Variants in UMODL1 observed in about 807,000 individuals in gnomAD.
The protein encoded by UMODL1 is uromodulin-like 1.
A neutral mutation model predicts 136.3 loss-of-function variants in UMODL1; 128 were observed. The observed-to-expected ratio is 0.94, with a 90% CI of 0.81 to 1.09. UMODL1 has a LOEUF of 1.09. UMODL1 is among the 50% of genes least tolerant of loss of function. The pLI is 0.00. For missense variants in UMODL1, 1,766 were observed against 1,725.6 expected, an observed-to-expected ratio of 1.02 and a Z score of -0.41; for synonymous variants, 721 against 720.0, an observed-to-expected ratio of 1.00 and a Z score of -0.02.
At chr21:42,098,853 C>G (rs113802209) in intron 6 of UMODL1, 73 bp from the exon 7 acceptor site, 58,967 of 1,574,530 alleles carry the variant, frequency 0.037, 1,269 homozygotes, top group Middle Eastern at 0.07. Flanking sequence ...AGATGAGGCT[C>G]TGTTACCTGC....
intron 12 of UMODL1, among the ~76,000 whole-genome samples, chr21:42,113,342 A>G (rs1214171218): frequency 1.3e-5 from 2 of 152,026 alleles, no homozygotes; most frequent in East Asian, 1.9e-4. Flanking sequence ...GAAACAAAAC[A>G]AAATCAGAAG....
rs1055672119 is a variant in UMODL1, at chr21:42,122,333, C to G, written c.2828-498C>G. The stretch of plus-strand genomic sequence containing the variant: ...ACCTGCTCTGGGGGCAAGAAGGGAG[C>G]TGGAGTGGGAAGTTTGGGCACAAGG... On this transcript the variant is annotated intron_variant, in intron 16 of 22. Transcript: ENST00000408910. The surrounding 1 kb of genome is among the most constrained non-coding windows in gnomAD (Gnocchi z 4.3). Among the ~76,000 whole-genome samples the G allele has an allele frequency of 2.6e-5, 4 of 152,074 alleles. No homozygotes were observed. The highest frequency in any genetic ancestry group is 7.2e-5 in the African/African-American group (3 of 41,406).
upstream of UMODL1, chr21:42,071,223 C>T (rs2066227862): frequency 7.7e-7 from 1 of 1,304,494 alleles, no homozygotes; most frequent in Non-Finnish European, 1.0e-6. Flanking sequence ...TTCTCCAGGT[C>T]CAGGCAGCTC....
At position 42,127,099 on chromosome 21, in the gene UMODL1, T is replaced by C. The variant is rs200563852; in HGVS notation, c.3387T>C (p.Tyr1129=). The change falls in exon 19 of 23, where the codon TAT becomes TAC. Residue 1129 remains tyrosine (Y), a synonymous_variant. Coordinates refer to ENST00000408910, the MANE Select transcript of UMODL1 (RefSeq NM_001004416.3). ...GAGACTCTCCCATACCTCAGAATTA[T>C]AGCGTGTCTGCCAGTGACGATGTCA... The part of the protein sequence containing the change: ...FIGDSPIPQN[Y]SVSASDDVRI... 1.4e-5 allele frequency: 23 copies of C among 1,614,210 alleles called. No homozygotes were observed. The highest frequency in any genetic ancestry group is 1.7e-5 in the Admixed American group (1 of 60,016).
chr21:42,095,532 G>A lies in UMODL1; in HGVS notation c.932-3394G>A, dbSNP rs532394678. ...ATAAGGACACTTGTGATTGCATTTAGGGTGTACCTGGGAAATCCAGGATTA... is the reference window on the plus strand; with the variant it reads ...ATAAGGACACTTGTGATTGCATTTAAGGTGTACCTGGGAAATCCAGGATTA... On this transcript the variant is annotated intron_variant, in intron 6 of 22. Coordinates refer to ENST00000408910, the MANE Select transcript of UMODL1 (RefSeq NM_001004416.3). Among the ~76,000 whole-genome samples the A allele has an allele frequency of 7.9e-5, 12 of 152,228 alleles. No homozygotes were observed. The South Asian group carries it at 2.5e-3, about 32-fold the overall frequency.
chr21:42,129,257 G>A (rs1420430544), intron 20 of UMODL1, among the ~76,000 whole-genome samples: 3 of 152,154 alleles, frequency 2.0e-5, no homozygotes, highest in Non-Finnish European at 4.4e-5. Flanking sequence ...ACATGTTGCA[G>A]CCCATCTCAG....
At position 42,123,158 on chromosome 21, in the gene UMODL1, C is replaced by A; in HGVS notation, c.3147+8C>A. ...GGGACCCTCATGCAGAGCGTAAGAC[C>A]AGGAGAGCCAGGCTCAGGATGTACA... On this transcript the variant is annotated splice_region_variant and intron_variant, in intron 17 of 22. Coordinates refer to ENST00000408910, the MANE Select transcript of UMODL1 (RefSeq NM_001004416.3). The surrounding 1 kb of genome is among the most constrained non-coding windows in gnomAD (Gnocchi z 4.4). 6.2e-7 allele frequency: 1 copy of A among 1,603,208 alleles called. No individual in the cohort carries two copies. The highest frequency in any genetic ancestry group is 8.5e-7 in the Non-Finnish European group (1 of 1,172,788).
At chr21:42,130,221 C>CTTGTGTGT (rs1555933370) in intron 21 of UMODL1, among the ~76,000 whole-genome samples, 8 of 150,462 alleles carry the variant, frequency 5.3e-5, no homozygotes, top group African/African-American at 1.2e-4. Context: ...GCCATGTCAA[C>CTTGTGTGT]GTGTGTGTGT....
At chr21:42,094,705 T>C (rs1278908053) in intron 6 of UMODL1, among the ~76,000 whole-genome samples, 1 of 152,154 alleles carries the variant, frequency 6.6e-6, no homozygotes, top group Non-Finnish European at 1.5e-5. Flanking sequence ...AGTTTTAAAA[T>C]ACCCCAAGGT....
intron 21 of UMODL1, among the ~76,000 whole-genome samples, chr21:42,130,614 T>G (rs78456476): frequency 6.6e-6 from 1 of 151,604 alleles, no homozygotes; most frequent in Non-Finnish European, 1.5e-5. Context: ...AGTGTGGCCA[T>G]GTAAGTTCTG....
chr21:42,073,824 C>A (rs536885995), intron 1 of UMODL1, among the ~76,000 whole-genome samples: 4 of 104,136 alleles, frequency 3.8e-5, no homozygotes, highest in African/African-American at 1.5e-4. Flanking sequence ...AGAAATCAAT[C>A]CAGCTACTCA....
rs368857995 is a variant in UMODL1 at position 42,126,470 on chromosome 21, C to T, written c.3273C>T (p.Ser1091=). The T allele has an allele frequency of 9.7e-5, 156 of 1,614,158 alleles. No homozygotes were observed. Among genetic ancestry groups the T allele is most frequent in the Non-Finnish European group, 1.3e-4 (149 of 1,180,050 alleles). The change falls in exon 18 of 23, where the codon TCC becomes TCT. Residue 1091 remains serine, a synonymous_variant. Transcript: ENST00000408910. The stretch of plus-strand genomic sequence containing the variant: ...TCCAGAATGACCTGCTGACATCCTC[C>T]GGCTTCACCCTGGAGTGGGGGTAAG... ...CAFQNDLLTS[S]GFTLEWGVYT...
chr21:42,089,225 G>T (rs1037509053), intron 5 of UMODL1, among the ~76,000 whole-genome samples: 2 of 152,184 alleles, frequency 1.3e-5, no homozygotes, highest in Non-Finnish European at 2.9e-5. Context: ...CTAGTCTGCT[G>T]CTCCCAGGGC....
Position 42,135,163 on chromosome 21 carries a change from G to C in UMODL1, c.3776-2276G>C, listed in dbSNP as rs116385253. Among the ~76,000 whole-genome samples the C allele has an allele frequency of 5.0e-3, 763 of 152,336 alleles. 9 individuals are homozygous for C. Among genetic ancestry groups the C allele is most frequent in the African/African-American group, 0.017 (694 of 41,570 alleles). On this transcript the variant is annotated intron_variant, in intron 21 of 22. Transcript: ENST00000408910. ...TCGTGGACTGACATGTGGTCCAACG[G>C]TCACGATGCATACACAGCTCATGCC...
intron 7 of UMODL1, 32 bp from the exon 8 acceptor site, chr21:42,102,134 C>A: frequency 1.3e-6 from 2 of 1,535,466 alleles, no homozygotes; most frequent in South Asian, 1.1e-5. Context: ...GACTTTTGAC[C>A]ACAGGCTAAT....
In UMODL1 at chr21:42,076,229, G is replaced by A. The variant is rs772114455; in HGVS notation, c.301G>A (p.Gly101Ser). The change falls in exon 2 of 23, where the codon GGC becomes AGC. Residue 101 changes from glycine to serine, a missense_variant. Physicochemically the swap from Gly to Ser is moderately conservative, Grantham distance 56 (BLOSUM62 0). Coordinates refer to ENST00000408910, the MANE Select transcript of UMODL1 (RefSeq NM_001004416.3). ...CTGCTGTGAGGGCTATGAACAGCTC[G>A]GCCTCTACTGTGTCTTGCGTGAGTC... ...TDCCEGYEQLGLYCVLPLNQS... is the reference protein window; with the variant it reads ...TDCCEGYEQLSLYCVLPLNQS... The A allele has an allele frequency of 6.8e-6, 11 of 1,614,222 alleles. No homozygotes were observed. The highest frequency in any genetic ancestry group is 3.3e-5 in the Admixed American group (2 of 60,032).
At chr21:42,103,323 A>G (rs2066661039) in intron 8 of UMODL1, 1 of 209,392 alleles carries the variant, frequency 4.8e-6, no homozygotes, top group African/African-American at 2.3e-5. Context: ...CCCTTTTGAA[A>G]TGTTAACTCA....
At chr21:42,115,054 G>T (rs2066885370) in intron 13 of UMODL1, among the ~76,000 whole-genome samples, 1 of 152,240 alleles carries the variant, frequency 6.6e-6, no homozygotes, top group Admixed American at 6.5e-5. Context: ...TAGCAGAATG[G>T]CTCTGTGGTT....
upstream of UMODL1, among the ~76,000 whole-genome samples, chr21:42,070,910 A>G (rs1303734841): frequency 6.6e-6 from 1 of 152,218 alleles, no homozygotes; most frequent in East Asian, 1.9e-4. Flanking sequence ...TTCTTCTGCC[A>G]GTTCAGAACG....
Sources: gnomAD v4.1 joint callset for allele counts (sites outside exome capture counted in the v4.1 genomes callset) on GRCh38, gnomAD v4.1.1 for gene constraint, Gnocchi (gnomAD v3.1) non-coding constraint, MANE v1.5 for transcripts, NCBI Gene and HGNC (gene_info 2026-07-23, HGNC 2026-07-21) for gene names.